Variants in SMOC1 observed in about 807,000 individuals in gnomAD.
The protein encoded by SMOC1 is SPARC-related modular calcium-binding protein 1.
A neutral mutation model predicts 56.3 loss-of-function variants in SMOC1; 22 were observed. That is an observed-to-expected ratio of 0.39 (90% confidence interval 0.28 to 0.56). The LOEUF (loss-of-function observed/expected upper bound fraction) is 0.56. Ranked by LOEUF, SMOC1 falls within the 20% of genes least tolerant of loss-of-function variation. The probability of loss-of-function intolerance (pLI) is 0.61; values close to 1 mark genes in which losing one functional copy is unlikely to be tolerated. For synonymous variants in SMOC1, 193 were observed against 215.0 expected (o/e 0.90, Z 0.89); for missense variants, 509 against 565.4 (o/e 0.90, Z 1.01).
chr14:70,029,631 G>A (rs1405192810), intron 11 of SMOC1, among the ~76,000 whole-genome samples: 1 of 152,210 alleles, frequency 6.6e-6, no homozygotes, highest in Non-Finnish European at 1.5e-5. Flanking sequence ...CAGTTCTCTG[G>A]TCAAGGCCAC....
chr14:69,984,290 C>T (rs915318202), intron 5 of SMOC1, among the ~76,000 whole-genome samples: 6 of 152,082 alleles, frequency 3.9e-5, no homozygotes, highest in African/African-American at 7.2e-5. Context: ...CAAAATGGAT[C>T]GTAGACTTAA....
chr14:69,958,340 T>C (rs1883261351), intron 3 of SMOC1, among the ~76,000 whole-genome samples: 1 of 152,202 alleles, frequency 6.6e-6, no homozygotes, highest in African/African-American at 2.4e-5. Flanking sequence ...GCTAATCTTA[T>C]GTAAAGAACT....
chr14:70,004,241 A>C (rs1489587154), intron 7 of SMOC1, among the ~76,000 whole-genome samples: 1 of 152,164 alleles, frequency 6.6e-6, no homozygotes, highest in East Asian at 1.9e-4. Context: ...GTTCTCTGTA[A>C]GATTAGCCTT....
intron 1 of SMOC1, among the ~76,000 whole-genome samples, chr14:69,931,320 G>A (rs755897437): frequency 5.9e-5 from 9 of 152,208 alleles, no homozygotes; most frequent in African/African-American, 1.4e-4. Context: ...CCTGAGTCCC[G>A]CTCCCTCCGG....
chr14:69,985,275 C>T (rs555601839), intron 5 of SMOC1, among the ~76,000 whole-genome samples: 42 of 152,254 alleles, frequency 2.8e-4, no homozygotes, highest in African/African-American at 8.2e-4. Context: ...AGAAACTGGA[C>T]CTCTCATACA....
At chr14:70,012,483 G>A (rs1441432689) in intron 9 of SMOC1, among the ~76,000 whole-genome samples, 3 of 152,230 alleles carry the variant, frequency 2.0e-5, no homozygotes, top group South Asian at 2.1e-4. Flanking sequence ...AGGGAAAAGC[G>A]GAACATGCTG....
At chr14:70,019,257 C>T (rs1885628023) in intron 10 of SMOC1, among the ~76,000 whole-genome samples, 2 of 152,176 alleles carry the variant, frequency 1.3e-5, no homozygotes. Flanking sequence ...CAAAAACAGC[C>T]CAGAGGTAGG....
At chr14:69,967,787 G>A (rs993338270) in intron 3 of SMOC1, among the ~76,000 whole-genome samples, 1 of 152,194 alleles carries the variant, frequency 6.6e-6, no homozygotes, top group South Asian at 2.1e-4. Flanking sequence ...AGTGGAGATG[G>A]TATTTACACT....
At chr14:69,928,615 T>TG (rs57670974) in intron 1 of SMOC1, among the ~76,000 whole-genome samples, 14,450 of 147,858 alleles carry the variant, frequency 0.098, 705 homozygotes, top group Middle Eastern at 0.22. Context: ...AGGTGCTCAT[T>TG]GGGGGGGGGG....
At chr14:69,930,418 C>T (rs772138710) in intron 1 of SMOC1, among the ~76,000 whole-genome samples, 4 of 152,140 alleles carry the variant, frequency 2.6e-5, no homozygotes, top group Non-Finnish European at 4.4e-5. Flanking sequence ...GAGCAGAAAC[C>T]GAGTCCTCTT....
intron 11 of SMOC1, among the ~76,000 whole-genome samples, chr14:70,027,281 C>A (rs934371635): frequency 4.6e-5 from 7 of 152,212 alleles, no homozygotes; most frequent in Non-Finnish European, 1.0e-4. Context: ...CTGGGCCAGA[C>A]TGCTGTCCCC....
intron 1 of SMOC1, among the ~76,000 whole-genome samples, chr14:69,935,522 G>A (rs1885272994): frequency 6.6e-6 from 1 of 152,186 alleles, no homozygotes; most frequent in African/African-American, 2.4e-5. Context: ...GTGGCCTCCC[G>A]AGCCCCTCTT....
At chr14:69,888,380 T>C (rs1883867515) in intron 1 of SMOC1, among the ~76,000 whole-genome samples, 1 of 152,218 alleles carries the variant, frequency 6.6e-6, no homozygotes, top group Non-Finnish European at 1.5e-5. Context: ...TCTAAGCTTG[T>C]TAGGTATGGA....
chr14:69,890,729 G>C (rs532758654), intron 1 of SMOC1, among the ~76,000 whole-genome samples: 1 of 152,298 alleles, frequency 6.6e-6, no homozygotes, highest in East Asian at 1.9e-4. Context: ...CTGCTTTAAA[G>C]GAGAGTTTTC....
At chr14:69,972,851 C>T (rs1883818347) in intron 3 of SMOC1, among the ~76,000 whole-genome samples, 1 of 152,222 alleles carries the variant, frequency 6.6e-6, no homozygotes, top group Non-Finnish European at 1.5e-5. Flanking sequence ...AGCTTTTGAA[C>T]CAGCCCGTTC....
chr14:69,914,066 C>A (rs753469398), intron 1 of SMOC1, among the ~76,000 whole-genome samples: 5 of 152,194 alleles, frequency 3.3e-5, no homozygotes, highest in Non-Finnish European at 5.9e-5. Flanking sequence ...ATCATTATCA[C>A]CAAGGAACTT....
At chr14:70,019,030 G>A (rs1885618513) in intron 10 of SMOC1, among the ~76,000 whole-genome samples, 1 of 152,204 alleles carries the variant, frequency 6.6e-6, no homozygotes, top group Non-Finnish European at 1.5e-5. Context: ...GCCAAAGCAG[G>A]TTTCCTTGTG....
chr14:69,994,533 C>G, intron 7 of SMOC1, 53 bp downstream of exon 7: 3 of 1,447,964 alleles, frequency 2.1e-6, no homozygotes, highest in African/African-American at 1.4e-5. Flanking sequence ...TTCCTTGCCC[C>G]GTGGTTCTGT....
intron 1 of SMOC1, among the ~76,000 whole-genome samples, chr14:69,946,359 T>C (rs1479114004): frequency 1.3e-5 from 2 of 152,192 alleles, no homozygotes; most frequent in African/African-American, 4.8e-5. Flanking sequence ...ACTTTACAAA[T>C]GTGAACAAAA....
Sources: allele counts gnomAD v4.1 joint callset (sites outside exome capture counted in the v4.1 genomes callset), GRCh38; gene constraint gnomAD v4.1.1; transcripts MANE v1.5; gene names NCBI Gene and HGNC (gene_info 2026-07-23, HGNC 2026-07-21).